UBE2D2: variants seen among roughly 807,000 people sequenced by gnomAD.
The protein encoded by UBE2D2 is ubiquitin-conjugating enzyme E2 D2.
UBE2D2 carries 2 observed loss-of-function variants against 24.2 expected under a neutral mutation model. The observed-to-expected ratio is 0.08, with a 90% CI of 0.03 to 0.26. The LOEUF is 0.26. Among genes scored for constraint, UBE2D2 ranks in the 10% least tolerant of loss-of-function variants. The pLI, the probability that UBE2D2 is intolerant of heterozygous loss-of-function variation, is 1.00. For synonymous variants in UBE2D2, 58 were observed against 56.5 expected (o/e 1.03, Z -0.12); for missense variants, 44 against 177.6 (o/e 0.25, Z 4.28).
chr5:139,543,764 T>C (rs148091987), intron 1 of UBE2D2, among the ~76,000 whole-genome samples: 2 of 152,386 alleles, frequency 1.3e-5, no homozygotes, highest in African/African-American at 4.8e-5. Flanking sequence ...AAATGTCGTC[T>C]GCTTCCTTCT....
At chr5:139,605,438 A>T (rs1032977857) in intron 2 of UBE2D2, among the ~76,000 whole-genome samples, 2 of 151,688 alleles carry the variant, frequency 1.3e-5, no homozygotes, top group Non-Finnish European at 2.9e-5. Flanking sequence ...TAAAAATACA[A>T]AAAATTAGCC....
chr5:139,561,328 C>G, upstream of UBE2D2: 1 of 155,760 alleles, frequency 6.4e-6, no homozygotes, highest in Non-Finnish European at 1.4e-5. Context: ...GGGCCCACCC[C>G]GTGCTCCGAC....
At chr5:139,549,296 C>A (rs1169616281) in intron 1 of UBE2D2, among the ~76,000 whole-genome samples, 1 of 152,314 alleles carries the variant, frequency 6.6e-6, no homozygotes, top group South Asian at 2.1e-4. Context: ...CCTCTCTGGG[C>A]TAGCTGAGGC....
At chr5:139,596,821 C>T (rs970484462) in intron 1 of UBE2D2, among the ~76,000 whole-genome samples, 1 of 151,784 alleles carries the variant, frequency 6.6e-6, no homozygotes, top group Admixed American at 6.6e-5. Flanking sequence ...CCGAGGTGGG[C>T]AGATCACGAG....
chr5:139,549,901 C>T (rs1752886508), intron 1 of UBE2D2, among the ~76,000 whole-genome samples: 1 of 152,208 alleles, frequency 6.6e-6, no homozygotes, highest in South Asian at 2.1e-4. Context: ...TTCATGGATG[C>T]AGCAATCAGC....
At chr5:139,602,489 C>T (rs1031146699) in intron 2 of UBE2D2, among the ~76,000 whole-genome samples, 2 of 152,092 alleles carry the variant, frequency 1.3e-5, no homozygotes, top group African/African-American at 2.4e-5. Flanking sequence ...CCAGCCTGGG[C>T]AACATGGTGA....
chr5:139,615,193 A>G lies in UBE2D2; in HGVS notation c.304+227A>G, dbSNP rs142799442. Among the ~76,000 whole-genome samples the G allele has an allele frequency of 3.2e-4, 48 of 152,270 alleles. No homozygotes were observed. In the East Asian group the frequency reaches 5.4e-3, roughly 17 times the overall value. On this transcript the variant is annotated intron_variant, in intron 5 of 6. Transcript: ENST00000398733. ...GTGCTACTCTAGCATAGGTTAGAAG[A>G]TGAACACTGGGCCTGGTGCCGTGGC...
chr5:139,607,929 C>T (rs1301048500), intron 2 of UBE2D2, among the ~76,000 whole-genome samples: 1 of 151,636 alleles, frequency 6.6e-6, no homozygotes, highest in Non-Finnish European at 1.5e-5. Flanking sequence ...GGGAGGATTG[C>T]TTGAGCCCAG....
intron 1 of UBE2D2, among the ~76,000 whole-genome samples, chr5:139,544,642 T>C (rs1049373319): frequency 1.3e-5 from 2 of 151,534 alleles, no homozygotes; most frequent in Non-Finnish European, 2.9e-5. Flanking sequence ...CCCCAAAATT[T>C]TATGAAGATT....
chr5:139,597,251 C>T (rs1354824924), intron 1 of UBE2D2, among the ~76,000 whole-genome samples: 1 of 152,124 alleles, frequency 6.6e-6, no homozygotes, highest in Non-Finnish European at 1.5e-5. Flanking sequence ...CCACTGGAAC[C>T]ATGGATCTGC....
chr5:139,622,228 AT>A (rs1204352272), intron 5 of UBE2D2, among the ~76,000 whole-genome samples: 7 of 151,668 alleles, frequency 4.6e-5, no homozygotes, highest in Non-Finnish European at 8.8e-5. Context: ...GTTTTATTTT[AT>A]TTTTTATTTT....
At chr5:139,535,889 A>G (rs549817059) in intron 1 of UBE2D2, among the ~76,000 whole-genome samples, 1 of 151,432 alleles carries the variant, frequency 6.6e-6, no homozygotes, top group Non-Finnish European at 1.5e-5. Context: ...ACTTGTTTAC[A>G]TTTTTTTCTT....
At chr5:139,555,754 CTG>C (rs1332664643) in intron 1 of UBE2D2, among the ~76,000 whole-genome samples, 1 of 151,464 alleles carries the variant, frequency 6.6e-6, no homozygotes, top group African/African-American at 2.4e-5. Flanking sequence ...TGGTGAAACC[CTG>C]TGTCTACTAA....
intron 1 of UBE2D2, among the ~76,000 whole-genome samples, chr5:139,565,192 A>G (rs569403484): frequency 6.6e-6 from 1 of 152,364 alleles, no homozygotes; most frequent in South Asian, 2.1e-4. Flanking sequence ...TTGACATGTG[A>G]CATCTTCAGG....
intron 1 of UBE2D2, among the ~76,000 whole-genome samples, chr5:139,541,599 C>CAA (rs892398676): frequency 8.4e-4 from 49 of 58,362 alleles, no homozygotes; most frequent in African/African-American, 1.3e-3. Flanking sequence ...GACTCCATTT[C>CAA]AAAAAAAAAA....
intron 1 of UBE2D2, among the ~76,000 whole-genome samples, chr5:139,594,840 C>G (rs934923549): frequency 7.9e-5 from 12 of 152,250 alleles, no homozygotes; most frequent in African/African-American, 2.9e-4. Context: ...GGTCCCAGGT[C>G]CTTCCATGGA....
At chr5:139,534,058 G>A (rs970831661) in intron 1 of UBE2D2, among the ~76,000 whole-genome samples, 4 of 151,686 alleles carry the variant, frequency 2.6e-5, no homozygotes, top group Non-Finnish European at 4.4e-5. Context: ...TGGGATTACA[G>A]GCGTGAGCCA....
At chr5:139,587,784 T>C (rs1753762853) in intron 1 of UBE2D2, among the ~76,000 whole-genome samples, 1 of 150,074 alleles carries the variant, frequency 6.7e-6, no homozygotes, top group Non-Finnish European at 1.5e-5. Flanking sequence ...CCAAAGAGGG[T>C]AGCCATTGCC....
At chr5:139,620,967 G>A (rs908753139) in intron 5 of UBE2D2, among the ~76,000 whole-genome samples, 5 of 152,314 alleles carry the variant, frequency 3.3e-5, no homozygotes, top group Admixed American at 6.5e-5. Flanking sequence ...AGATATGGCC[G>A]GGTGTGGTAG....
Sources: gnomAD v4.1 joint callset for allele counts (sites outside exome capture counted in the v4.1 genomes callset) on GRCh38, gnomAD v4.1.1 for gene constraint, MANE v1.5 for transcripts, NCBI Gene and HGNC (gene_info 2026-07-23, HGNC 2026-07-21) for gene names.